Variants in HPSE2 observed in about 807,000 individuals in gnomAD.
The protein encoded by HPSE2 is inactive heparanase-2.
A neutral mutation model predicts 60.5 loss-of-function variants in HPSE2; 38 were observed. The observed-to-expected ratio is 0.63, with a 90% confidence interval of 0.48 to 0.82. HPSE2 has a LOEUF of 0.82. HPSE2 is among the 40% of genes least tolerant of loss of function. HPSE2 has a pLI of 0.00. For missense variants in HPSE2, 713 were observed against 740.4 expected (o/e 0.96, Z 0.43); for synonymous variants, 295 against 293.2 (o/e 1.01, Z -0.06).
chr10:99,289,901 G>T, the HPSE2 span, among the ~76,000 whole-genome samples: 1 of 152,046 alleles, frequency 6.6e-6, no homozygotes, highest in Non-Finnish European at 1.5e-5. Context: ...GAAGACAAGG[G>T]GAGCAGGAGG....
chr10:99,196,822 A>G (rs1028333823), intron 2 of HPSE2, among the ~76,000 whole-genome samples: 5 of 152,276 alleles, frequency 3.3e-5, no homozygotes, highest in Admixed American at 3.3e-4. Flanking sequence ...GTTCCTCAAA[A>G]AAGCTGAAAA....
intron 3 of HPSE2, among the ~76,000 whole-genome samples, chr10:99,116,734 CA>C (rs1844706251): frequency 6.6e-6 from 1 of 151,970 alleles, no homozygotes; most frequent in South Asian, 2.1e-4. Context: ...AATTAGAACA[CA>C]AAAAGAAAAA....
At chr10:99,020,582 G>C (rs758227239) in intron 3 of HPSE2, among the ~76,000 whole-genome samples, 4 of 152,188 alleles carry the variant, frequency 2.6e-5, no homozygotes, top group Non-Finnish European at 2.9e-5. Flanking sequence ...CCTTTTGCAA[G>C]TTTAAAATGC....
chr10:98,892,624 T>C (rs115404041), intron 3 of HPSE2, among the ~76,000 whole-genome samples: 2 of 152,180 alleles, frequency 1.3e-5, no homozygotes, highest in African/African-American at 2.4e-5. Flanking sequence ...ACTGGGCCAG[T>C]GGCTTTTCTA....
intron 3 of HPSE2, among the ~76,000 whole-genome samples, chr10:99,106,410 T>C (rs1451321805): frequency 6.6e-6 from 1 of 152,012 alleles, no homozygotes; most frequent in Non-Finnish European, 1.5e-5. Flanking sequence ...TTATCAAATG[T>C]TTTTTCTGCA....
At chr10:98,939,134 G>A (rs4423122) in intron 3 of HPSE2, among the ~76,000 whole-genome samples, 1 of 142,410 alleles carries the variant, frequency 7.0e-6, no homozygotes, top group African/African-American at 2.9e-5. Context: ...CAAAATCATG[G>A]CAAATTGTAA....
intron 2 of HPSE2, among the ~76,000 whole-genome samples, chr10:99,153,213 A>G (rs1023273135): frequency 6.6e-6 from 1 of 152,136 alleles, no homozygotes; most frequent in African/African-American, 2.4e-5. Flanking sequence ...TTAGGTAAAC[A>G]AAGCAGCCTG....
Position 98,744,502 on chromosome 10 carries a change from G to A in HPSE2, c.611-446C>T, listed in dbSNP as rs376972010. Among the ~76,000 whole-genome samples, 114 of 151,972 alleles carry A rather than the reference G, an allele frequency of 7.5e-4. 1 individual carries two copies. The highest frequency in any genetic ancestry group is 2.7e-3 in the African/African-American group (110 of 41,432). ...AGATTGCACCATTGCACTCCAGCCT[G>A]GGCAACAAGAGCGAAACTCCGTCTC... On this transcript the variant is annotated intron_variant, in intron 3 of 11. Coordinates refer to ENST00000370552, the MANE Select transcript of HPSE2 (RefSeq NM_021828.5).
At chr10:98,544,263 A>C (rs1366066884) in intron 9 of HPSE2, among the ~76,000 whole-genome samples, 3 of 152,242 alleles carry the variant, frequency 2.0e-5, no homozygotes, top group Non-Finnish European at 4.4e-5. Flanking sequence ...GCAGAAATAA[A>C]GATATTCTTT....
At chr10:99,083,505 A>G (rs1039760500) in intron 3 of HPSE2, among the ~76,000 whole-genome samples, 3 of 152,192 alleles carry the variant, frequency 2.0e-5, no homozygotes, top group Non-Finnish European at 1.5e-5. Context: ...TCTCTTTTAA[A>G]TCCCTTCTTC....
intron 9 of HPSE2, among the ~76,000 whole-genome samples, chr10:98,610,928 A>C (rs1945738438): frequency 6.6e-6 from 1 of 152,242 alleles, no homozygotes. Flanking sequence ...CAGCAAGCTA[A>C]ATTCCAAAAC....
chr10:98,780,307 ATTTAG>A lies in HPSE2; in HGVS notation c.611-36256_611-36252del, dbSNP rs569967940. ...AGAAGATCTCTAATTCTTATAGAAA[ATTTAG>A]TTTATAGTGTTGGCAATGATTAAAT... On this transcript the variant is annotated intron_variant, in intron 3 of 11. Coordinates refer to ENST00000370552, the MANE Select transcript of HPSE2 (RefSeq NM_021828.5). 7.5e-4 allele frequency among the ~76,000 whole-genome samples: 114 copies of A among 152,282 alleles called. 1 individual carries two copies. Among genetic ancestry groups the A allele is most frequent in the African/African-American group, 2.6e-3 (110 of 41,566 alleles).
chr10:99,069,600 C>T (rs777810002), intron 3 of HPSE2, among the ~76,000 whole-genome samples: 15 of 150,488 alleles, frequency 1.0e-4, no homozygotes, highest in South Asian at 2.2e-4. Flanking sequence ...ATTTGTTACA[C>T]GCTCACTACA....
At chr10:99,029,796 C>T (rs972896700) in intron 3 of HPSE2, among the ~76,000 whole-genome samples, 2 of 152,172 alleles carry the variant, frequency 1.3e-5, no homozygotes, top group African/African-American at 2.4e-5. Flanking sequence ...CGGATAACTG[C>T]GGGCAAGCCT....
intron 6 of HPSE2, among the ~76,000 whole-genome samples, chr10:98,688,465 CTTTTTTTTTTTCT>C (rs1375500148): frequency 9.6e-6 from 1 of 103,860 alleles, no homozygotes; most frequent in African/African-American, 3.7e-5. Context: ...TTTAGCATTT[CTTTTTTTTTTTCT>C]TTTTTTTTTT....
At chr10:98,695,047 C>T (rs761689405) in intron 5 of HPSE2, among the ~76,000 whole-genome samples, 5 of 152,178 alleles carry the variant, frequency 3.3e-5, no homozygotes, top group African/African-American at 4.8e-5. Context: ...GTTGCTCATG[C>T]TGTGTGGGTT....
chr10:99,105,954 C>T (rs182658586), intron 3 of HPSE2, among the ~76,000 whole-genome samples: 18 of 152,144 alleles, frequency 1.2e-4, no homozygotes, highest in African/African-American at 4.1e-4. Context: ...TAATTCTGTT[C>T]CATTTATCTG....
chr10:99,070,849 T>C (rs1377728538), intron 3 of HPSE2, among the ~76,000 whole-genome samples: 2 of 152,216 alleles, frequency 1.3e-5, no homozygotes, highest in Admixed American at 6.5e-5. Flanking sequence ...CCTTATTTTG[T>C]AAGGCTAAAT....
At chr10:98,778,516 C>T (rs1286962145) in intron 3 of HPSE2, among the ~76,000 whole-genome samples, 1 of 151,958 alleles carries the variant, frequency 6.6e-6, no homozygotes, top group Non-Finnish European at 1.5e-5. Flanking sequence ...ATCTAGCTGT[C>T]CCACAGGGAA....
Sources: allele counts gnomAD v4.1 joint callset (sites outside exome capture counted in the v4.1 genomes callset), GRCh38; gene constraint gnomAD v4.1.1; transcripts MANE v1.5; gene names NCBI Gene and HGNC (gene_info 2026-07-23, HGNC 2026-07-21).